The following BAIAP2 variants were observed in gnomAD, a reference collection of about 807,000 sequenced individuals.
The protein encoded by BAIAP2 is BAR/IMD domain-containing adapter protein 2.
BAIAP2 carries 18 observed loss-of-function variants against 63.0 expected under a neutral mutation model. The ratio of observed to expected loss-of-function variants is 0.29; its 90% confidence interval spans 0.20 to 0.42. The LOEUF (loss-of-function observed/expected upper bound fraction) is 0.42. Among genes scored for constraint, BAIAP2 ranks in the 10% least tolerant of loss-of-function variants. The pLI is 1.00. For missense variants in BAIAP2, 610 were observed against 734.3 expected (o/e 0.83, Z 1.96); for synonymous variants, 386 against 307.6 (o/e 1.25, Z -2.67).
chr17:81,077,721 G>T (rs532737319), intron 3 of BAIAP2, among the ~76,000 whole-genome samples: 2 of 152,336 alleles, frequency 1.3e-5, no homozygotes, highest in South Asian at 2.1e-4. Flanking sequence ...AGCGGGTGCC[G>T]TCTCAGGTGC....
chr17:81,066,280 C>T (rs2051450955), intron 3 of BAIAP2, among the ~76,000 whole-genome samples: 1 of 152,230 alleles, frequency 6.6e-6, no homozygotes, highest in African/African-American at 2.4e-5. Context: ...CCCCAGGTGC[C>T]CGGGAGAGTG....
intron 6 of BAIAP2, among the ~76,000 whole-genome samples, chr17:81,095,200 G>GC (rs2057424394): frequency 6.6e-6 from 1 of 151,180 alleles, no homozygotes; most frequent in Non-Finnish European, 1.5e-5. Context: ...ACTGGAGGGG[G>GC]CCAGCCACTG....
chr17:81,061,720 AT>A (rs2050587314), intron 3 of BAIAP2, among the ~76,000 whole-genome samples: 3 of 151,620 alleles, frequency 2.0e-5, no homozygotes, highest in Admixed American at 2.0e-4. Flanking sequence ...CTAAATTTTC[AT>A]TTCCTTAATT....
At chr17:81,085,112 G>A in intron 4 of BAIAP2, 1 of 593,554 alleles carries the variant, frequency 1.7e-6, no homozygotes, top group South Asian at 2.0e-5. Context: ...ACTGGCTGCA[G>A]TGGCAGCCAT....
chr17:81,061,478 A>C (rs1414824580), intron 3 of BAIAP2, among the ~76,000 whole-genome samples: 1 of 152,098 alleles, frequency 6.6e-6, no homozygotes, highest in Non-Finnish European at 1.5e-5. Context: ...CTGTCACTGT[A>C]ATTTAGCATG....
chr17:81,112,957 G>A (rs1437278049), intron 13 of BAIAP2, among the ~76,000 whole-genome samples: 1 of 152,240 alleles, frequency 6.6e-6, no homozygotes, highest in Non-Finnish European at 1.5e-5. Context: ...TCAGGAGGCT[G>A]AGGTGGGAGG....
intron 3 of BAIAP2, among the ~76,000 whole-genome samples, chr17:81,060,726 A>G (rs1346438086): frequency 6.6e-6 from 1 of 152,258 alleles, no homozygotes; most frequent in Non-Finnish European, 1.5e-5. Context: ...AAAGTCAGCC[A>G]CTTCCCACCC....
chr17:81,072,964 G>T lies in BAIAP2; in HGVS notation c.218-11868G>T, dbSNP rs919510070. 5.9e-5 allele frequency among the ~76,000 whole-genome samples: 9 copies of T among 152,190 alleles called. No homozygotes were observed. In the South Asian group the frequency reaches 1.7e-3, roughly 28 times the overall value. ...GTACAAACATGCACGCTTCCCTGAT[G>T]AGAAAATGGCATCTGGCCTGGAGCC... On this transcript the variant is annotated intron_variant, in intron 3 of 13. Transcript: ENST00000428708.
chr17:81,085,923 G>T (rs1455009590), intron 5 of BAIAP2, among the ~76,000 whole-genome samples, 198 bp downstream of exon 5: 1 of 152,252 alleles, frequency 6.6e-6, no homozygotes, highest in Admixed American at 6.5e-5. Flanking sequence ...GGGTGAATCC[G>T]TTGCCTCTGA....
Position 81,103,621 on chromosome 17 carries a change from C to A in BAIAP2, c.762C>A (p.Leu254=). The A allele has an allele frequency of 6.2e-7, 1 of 1,605,776 alleles. No individual in the cohort carries two copies. ...MQQVASNGAT[L]PSALSASKSN... ...AGGTGGCCAGCAACGGCGCCACCCT[C>A]CCCAGCGCCCTGTCGGCCTCCAAGT... Residue 254 remains leucine, a synonymous_variant, in exon 8 of 14, where the codon CTC becomes CTA. Transcript: ENST00000428708.
chr17:81,057,920 T>C lies in BAIAP2; in HGVS notation c.170T>C (p.Val57Ala), dbSNP rs970877727. 2.4e-5 allele frequency: 38 copies of C among 1,576,110 alleles called. No homozygotes were observed. Among genetic ancestry groups the C allele is most frequent in the Non-Finnish European group, 3.3e-5 (38 of 1,168,012 alleles). Residue 57 changes from valine to alanine, a missense_variant, in exon 3 of 14, where the codon GTG (valine) becomes GCG (alanine). Physicochemically the swap from Val to Ala is moderately conservative, Grantham distance 64. Around this residue, in one of 5 missense-constraint regions of BAIAP2, gnomAD observed 389 missense variants for 455.6 expected, o/e 0.85. Transcript: ENST00000428708. ...GCCAAAGGCTACTTTGACGCCCTGG[T>C]GAAGATGGGGGAGCTGGCCAGCGAG... is the stretch of plus-strand genomic sequence containing the variant. Reference protein sequence around the residue: ...YAAKGYFDALVKMGELASESQ... With the variant: ...YAAKGYFDALAKMGELASESQ...
chr17:81,042,559 C>T (rs1408963912), intron 1 of BAIAP2, among the ~76,000 whole-genome samples: 1 of 152,188 alleles, frequency 6.6e-6, no homozygotes, highest in Non-Finnish European at 1.5e-5. Context: ...CGTGCCCCTG[C>T]CTGGTTGTGG....
At chr17:81,038,897 G>GA (rs1568053948) in intron 1 of BAIAP2, among the ~76,000 whole-genome samples, 26 of 148,732 alleles carry the variant, frequency 1.7e-4, no homozygotes, top group African/African-American at 5.3e-4. Flanking sequence ...TCGCCTTCCT[G>GA]GGTGGGGGGG....
Position 81,116,190 on chromosome 17 carries a change from CTGCTTCTCCTGCCTAATAAACA to C in BAIAP2, c.*352_*373del. On this transcript the variant is annotated 3_prime_UTR_variant, in exon 14 of 14. Coordinates refer to ENST00000428708, the MANE Select transcript of BAIAP2 (RefSeq NM_001144888.2). ...CTGGGAGGGGAGCCTGGCTGCCCTG[CTGCTTCTCCTGCCTAATAAACA>C]GGCTTCTCCTGCACCAGGTGTGATC... 6.2e-7 allele frequency: 1 copy of C among 1,608,564 alleles called. No homozygotes were observed.
intron 6 of BAIAP2, among the ~76,000 whole-genome samples, chr17:81,093,487 A>C (rs948601833): frequency 3.3e-5 from 5 of 152,076 alleles, no homozygotes; most frequent in African/African-American, 4.8e-5. Flanking sequence ...AGGCAGGTGC[A>C]GCCCTCGCTG....
At chr17:81,107,637 G>A (rs1257370347) in intron 12 of BAIAP2, 4 of 152,482 alleles carry the variant, frequency 2.6e-5, no homozygotes, top group Non-Finnish European at 4.4e-5. Context: ...GTGGGATATT[G>A]GCTGGGCTAG....
intron 1 of BAIAP2, among the ~76,000 whole-genome samples, chr17:81,045,497 C>T (rs2047679110): frequency 6.6e-6 from 1 of 151,124 alleles, no homozygotes; most frequent in Non-Finnish European, 1.5e-5. Context: ...GGAAGGAGTC[C>T]CTGCACCTCG....
At chr17:81,049,754 C>G (rs899913187) in intron 1 of BAIAP2, among the ~76,000 whole-genome samples, 8 of 152,262 alleles carry the variant, frequency 5.3e-5, no homozygotes, top group Admixed American at 4.6e-4. Flanking sequence ...CTGCCCCCAC[C>G]TGGGGACCCC....
At chr17:81,095,330 G>T (rs72854126) in intron 6 of BAIAP2, among the ~76,000 whole-genome samples, 1 of 152,078 alleles carries the variant, frequency 6.6e-6, no homozygotes, top group Non-Finnish European at 1.5e-5. Context: ...GACGTGCCCC[G>T]TATAGGTCAT....
Sources: allele counts gnomAD v4.1 joint callset (sites outside exome capture counted in the v4.1 genomes callset), GRCh38; gene constraint gnomAD v4.1.1; regional missense constraint gnomAD v4.1.1; transcripts MANE v1.5; gene names NCBI Gene and HGNC (gene_info 2026-07-23, HGNC 2026-07-21).